Variants in NIPA2 observed in about 807,000 individuals in gnomAD.
NIPA2 encodes the protein magnesium transporter NIPA2.
NIPA2 carries 11 observed loss-of-function variants against 29.7 expected under a neutral mutation model. The ratio of observed to expected loss-of-function variants is 0.37; its 90% CI spans 0.23 to 0.61. NIPA2 has a LOEUF of 0.61. Among genes scored for constraint, NIPA2 ranks in the 20% least tolerant of loss-of-function variants. The pLI is 0.66. For missense variants in NIPA2, 426 were observed against 437.9 expected (o/e 0.97, Z 0.24); for synonymous variants, 183 against 161.9 (o/e 1.13, Z -0.99).
intron 3 of NIPA2, among the ~76,000 whole-genome samples, chr15:22,851,259 A>G (rs2057718584): frequency 1.3e-5 from 2 of 152,216 alleles, no homozygotes; most frequent in South Asian, 4.1e-4. Flanking sequence ...GTTTCTTTGT[A>G]TAGATTATTC....
At chr15:22,853,521 G>A (rs975063194) in intron 5 of NIPA2, among the ~76,000 whole-genome samples, 3 of 151,676 alleles carry the variant, frequency 2.0e-5, no homozygotes, top group South Asian at 4.2e-4. Context: ...TTACAGGCGT[G>A]CCACCACCAC....
Position 22,866,340 on chromosome 15 carries a change from A to G in NIPA2, c.576A>G (p.Ser192=). 1 of 1,614,080 alleles carries G rather than the reference A, an allele frequency of 6.2e-7. No homozygotes were observed. The highest frequency in any genetic ancestry group is 1.1e-5 in the South Asian group (1 of 91,080). ...TCTGCTCTGTAATCGGCGCGTTTTC[A>G]GTCTCCTGTGTGAAGGGCCTGGGCA... ...ITICSVIGAF[S]VSCVKGLGIA... Residue 192 remains serine (S), a synonymous_variant, in exon 8 of 8, where the codon TCA becomes TCG. Coordinates refer to ENST00000337451, the MANE Select transcript of NIPA2 (RefSeq NM_030922.7).
At chr15:22,858,511 GA>G (rs759273781) in intron 5 of NIPA2, 28 bp from the exon 6 acceptor site, 1 of 1,512,530 alleles carries the variant, frequency 6.6e-7, no homozygotes, top group Non-Finnish European at 9.1e-7. Context: ...ATTCTTACCT[GA>G]GTTTTTCTTT....
At position 22,867,123 on chromosome 15, in the gene NIPA2, A is replaced by G; in HGVS notation, c.*276A>G. On this transcript the variant is annotated 3_prime_UTR_variant, in exon 8 of 8. Transcript: ENST00000337451. ...CCTTCTCCAAAAGCCGAATGCACTA[A>G]TGACAGTTTTAAGTCTATGAAAATG... 2.1e-6 allele frequency: 1 copy of G among 483,736 alleles called. No homozygotes were observed. 30.0% of individuals were successfully genotyped at this position (483,736 alleles called of 1,614,324 possible). A position where few individuals can be genotyped will look rare whatever the true frequency, so the allele number is the denominator to read the frequency against.
intron 7 of NIPA2, among the ~76,000 whole-genome samples, chr15:22,865,349 G>A (rs1366715364): frequency 6.6e-6 from 1 of 151,988 alleles, no homozygotes; most frequent in Non-Finnish European, 1.5e-5. Context: ...AGCTGGGCGT[G>A]TTGGCGGGCA....
intron 2 of NIPA2, among the ~76,000 whole-genome samples, chr15:22,841,261 C>G (rs969541486): frequency 6.6e-6 from 1 of 152,154 alleles, no homozygotes; most frequent in Non-Finnish European, 1.5e-5. Context: ...CAAATATACA[C>G]AATTTGCAAA....
chr15:22,849,569 T>A (rs2057560919), intron 3 of NIPA2, among the ~76,000 whole-genome samples: 1 of 151,836 alleles, frequency 6.6e-6, no homozygotes, highest in Non-Finnish European at 1.5e-5. Flanking sequence ...CAGTATTTTT[T>A]TTTTTTTTGA....
At chr15:22,860,393 T>TG (rs2058537183) in intron 6 of NIPA2, among the ~76,000 whole-genome samples, 1 of 152,200 alleles carries the variant, frequency 6.6e-6, no homozygotes, top group Admixed American at 6.5e-5. Context: ...ACTGACTTCT[T>TG]GCAGTGGAAA....
At chr15:22,856,510 A>G (rs6606817) in intron 5 of NIPA2, among the ~76,000 whole-genome samples, 64,277 of 151,848 alleles carry the variant, frequency 0.42, 16,653 homozygotes, top group African/African-American at 0.71. Flanking sequence ...GAATTTTAAC[A>G]GTAACCATAT....
At chr15:22,863,309 A>G (rs1010869140) in intron 7 of NIPA2, among the ~76,000 whole-genome samples, 2 of 151,740 alleles carry the variant, frequency 1.3e-5, no homozygotes, top group Non-Finnish European at 2.9e-5. Context: ...GTCTCAACCT[A>G]CTGGGCTCAA....
chr15:22,840,648 A>C (rs988771929), intron 2 of NIPA2, among the ~76,000 whole-genome samples: 1 of 152,104 alleles, frequency 6.6e-6, no homozygotes, highest in African/African-American at 2.4e-5. Flanking sequence ...GTGTAGAAGT[A>C]AAGTCCCTTT....
chr15:22,841,437 A>G (rs755921773), intron 2 of NIPA2, among the ~76,000 whole-genome samples: 5 of 152,180 alleles, frequency 3.3e-5, no homozygotes, highest in Non-Finnish European at 1.5e-5. Context: ...GGCCAAATAA[A>G]TGGGTTGCAG....
chr15:22,859,115 A>G (rs1009630442), intron 6 of NIPA2, among the ~76,000 whole-genome samples: 1 of 151,996 alleles, frequency 6.6e-6, no homozygotes, highest in African/African-American at 2.4e-5. Context: ...AGGAGGTTGC[A>G]ATGACCCGAG....
chr15:22,842,411 T>C (rs543911446), intron 2 of NIPA2, among the ~76,000 whole-genome samples: 2 of 152,028 alleles, frequency 1.3e-5, no homozygotes, highest in African/African-American at 2.4e-5. Context: ...AGATCTAGGC[T>C]GGGCGCGGTG....
rs1413560468 is a variant in NIPA2 at position 22,868,346 on chromosome 15, A to C, written c.*1499A>C. The C allele has an allele frequency of 1.3e-5, 2 of 151,366 alleles. No homozygotes were observed. The highest frequency in any genetic ancestry group is 4.8e-5 in the African/African-American group (2 of 41,272). The allele number at this position is 151,366 out of a possible 1,614,324, so 9.4% of individuals were successfully genotyped here. On this transcript the variant is annotated 3_prime_UTR_variant, in exon 8 of 8. Transcript: ENST00000337451. ...CCCTTGAGGACAGAGACTCATTTGAACATGCATAGGTTAATAAATAATAAA... is the reference window on the plus strand; with the variant it reads ...CCCTTGAGGACAGAGACTCATTTGACCATGCATAGGTTAATAAATAATAAA...
At position 22,865,140 on chromosome 15, in the gene NIPA2, G is replaced by A. The variant is rs192092456; in HGVS notation, c.449-1073G>A. Among the ~76,000 whole-genome samples the A allele has an allele frequency of 2.6e-5, 4 of 151,878 alleles. No homozygotes were observed. The East Asian group carries it at 5.9e-4, about 22-fold the overall frequency. On this transcript the variant is annotated intron_variant, in intron 7 of 7. Transcript: ENST00000337451. ...GCCTCCCAGTGCTGGGATTACAGGC[G>A]TGAGCCACCACACCTGGCTTCTTGT...
intron 7 of NIPA2, among the ~76,000 whole-genome samples, chr15:22,862,477 T>C (rs1373410528): frequency 6.6e-6 from 1 of 152,216 alleles, no homozygotes; most frequent in Admixed American, 6.5e-5. Context: ...AATTTTCTTA[T>C]CTTTTCTTTC....
At chr15:22,866,082 C>A in intron 7 of NIPA2, 131 bp from the exon 8 acceptor site, 1 of 728,550 alleles carries the variant, frequency 1.4e-6, no homozygotes, top group Non-Finnish European at 2.2e-6. Flanking sequence ...GCTTGGGCTG[C>A]AAAATAAAGC....
At chr15:22,847,983 A>G (rs906605143) in intron 3 of NIPA2, among the ~76,000 whole-genome samples, 5 of 145,054 alleles carry the variant, frequency 3.4e-5, no homozygotes, top group African/African-American at 1.2e-4. Flanking sequence ...TTTTTAGTAG[A>G]GACGGGGTTT....
Sources: allele counts gnomAD v4.1 joint callset (sites outside exome capture counted in the v4.1 genomes callset), GRCh38; gene constraint gnomAD v4.1.1; transcripts MANE v1.5; gene names NCBI Gene and HGNC (gene_info 2026-07-23, HGNC 2026-07-21).